The following RNF121 variants were observed in gnomAD, a reference collection of about 807,000 sequenced individuals.
The protein encoded by RNF121 is E3 ubiquitin ligase RNF121.
Under a neutral mutation model 46.5 loss-of-function variants are expected in RNF121, and 21 were observed. The ratio of observed to expected loss-of-function variants is 0.45; its 90% CI spans 0.32 to 0.65. The LOEUF (loss-of-function observed/expected upper bound fraction) is 0.65. Ranked by LOEUF, RNF121 falls within the 30% of genes least tolerant of loss-of-function variation. The pLI, the probability that RNF121 is intolerant of heterozygous loss-of-function variation, is 0.04. For missense variants in RNF121, 346 were observed against 416.0 expected, an observed-to-expected ratio of 0.83 and a Z score of 1.46; for synonymous variants, 139 against 144.7, an observed-to-expected ratio of 0.96 and a Z score of 0.28.
intron 1 of RNF121, among the ~76,000 whole-genome samples, chr11:71,956,347 A>G (rs893597952): frequency 5.9e-5 from 9 of 152,208 alleles, no homozygotes; most frequent in Non-Finnish European, 1.2e-4. Flanking sequence ...GCAAGGAGGT[A>G]GAAGACTTGA....
intron 1 of RNF121, among the ~76,000 whole-genome samples, chr11:71,936,129 G>A (rs1244744161): frequency 6.6e-6 from 1 of 152,096 alleles, no homozygotes; most frequent in Admixed American, 6.5e-5. Flanking sequence ...TTATAGGCGT[G>A]AGATTATAGG....
In RNF121 at chr11:71,996,283, C is replaced by G; in HGVS notation, c.952C>G (p.Gln318Glu). The change falls in exon 9 of 9, where the codon CAA becomes GAA. Residue 318 changes from glutamine (Q) to glutamate (E), a missense_variant. By Grantham distance (29) the Gln-to-Glu change is conservative. This residue lies in a region of RNF121 where 286 missense variants were observed against 383.8 expected (regional missense o/e 0.75). Coordinates refer to ENST00000361756, the MANE Select transcript of RNF121 (RefSeq NM_018320.5). ...GCAGCCTGTCATCATTGGTGTAGTC[C>G]AAGGCATCAACTACATCCTGGGCCT... Reference protein sequence around the residue: ...AWQPVIIGVVQGINYILGLE With the variant: ...AWQPVIIGVVEGINYILGLE The G allele has an allele frequency of 3.1e-6, 5 of 1,614,190 alleles. No individual in the cohort carries two copies. The South Asian group carries it at 5.5e-5, about 18-fold the overall frequency.
chr11:71,942,018 C>T (rs1235367600), intron 1 of RNF121, among the ~76,000 whole-genome samples: 3 of 151,086 alleles, frequency 2.0e-5, no homozygotes, highest in Admixed American at 6.6e-5. Context: ...CTGCAAGCTC[C>T]GCCTCCTGGG....
At chr11:71,973,312 G>A (rs1414736167) in intron 3 of RNF121, among the ~76,000 whole-genome samples, 3 of 152,144 alleles carry the variant, frequency 2.0e-5, no homozygotes, top group African/African-American at 7.2e-5. Flanking sequence ...GGGCAACGTA[G>A]TAAGACCCAA....
chr11:71,996,327 A>C lies in RNF121; in HGVS notation c.*12A>C, dbSNP rs774861475. The C allele has an allele frequency of 1.9e-6, 3 of 1,613,738 alleles. No homozygotes were observed. Among genetic ancestry groups the C allele is most frequent in the African/African-American group, 2.7e-5 (2 of 75,028 alleles). Reference sequence around the variant, plus strand: ...TGGGCCTGGAATAGTGATGAAGAGCATCAGTGGAAAACCCACCCCACACGC... The same window carrying C: ...TGGGCCTGGAATAGTGATGAAGAGCCTCAGTGGAAAACCCACCCCACACGC... On this transcript the variant is annotated 3_prime_UTR_variant, in exon 9 of 9. Transcript: ENST00000361756.
chr11:71,936,515 G>A (rs569004926), intron 1 of RNF121, among the ~76,000 whole-genome samples: 10 of 151,930 alleles, frequency 6.6e-5, no homozygotes, highest in African/African-American at 9.7e-5. Context: ...TCAGCCTCCC[G>A]AGTAGCTGGG....
chr11:71,952,978 T>C (rs1276895340), intron 1 of RNF121, among the ~76,000 whole-genome samples: 1 of 152,200 alleles, frequency 6.6e-6, no homozygotes, highest in African/African-American at 2.4e-5. Flanking sequence ...TGCTGTGCAA[T>C]AGAACTCAAA....
At chr11:71,932,133 C>G (rs1377939087) in intron 1 of RNF121, among the ~76,000 whole-genome samples, 1 of 152,168 alleles carries the variant, frequency 6.6e-6, no homozygotes. Context: ...CTAATGGCTT[C>G]TTTCTTTAGA....
chr11:71,946,936 C>T (rs1263348087), intron 1 of RNF121, among the ~76,000 whole-genome samples: 1 of 143,678 alleles, frequency 7.0e-6, no homozygotes, highest in East Asian at 2.1e-4. Flanking sequence ...TGCATGATCT[C>T]GGCTTGCTGC....
At chr11:71,944,558 G>A (rs74983801) in intron 1 of RNF121, among the ~76,000 whole-genome samples, 2,691 of 152,312 alleles carry the variant, frequency 0.018, 33 homozygotes, top group Non-Finnish European at 0.027. Flanking sequence ...TGGGAGCAGA[G>A]GAAGGTAAAA....
chr11:71,946,225 T>C (rs1043954989), intron 1 of RNF121, among the ~76,000 whole-genome samples: 13 of 152,286 alleles, frequency 8.5e-5, no homozygotes, highest in Middle Eastern at 3.4e-3. Context: ...ATGTCTATCC[T>C]CTGATGAAAG....
chr11:71,967,789 TTAAA>T (rs772475549), intron 3 of RNF121, among the ~76,000 whole-genome samples: 98 of 152,272 alleles, frequency 6.4e-4, no homozygotes, highest in Non-Finnish European at 1.0e-3. Context: ...CTCCCAATTT[TTAAA>T]TAAATATTCA....
intron 3 of RNF121, among the ~76,000 whole-genome samples, chr11:71,970,225 A>G (rs1004056779): frequency 6.6e-6 from 1 of 152,204 alleles, no homozygotes. Context: ...AGGGGGAATT[A>G]GGGCCTATAG....
Position 71,994,726 on chromosome 11 carries a change from G to C in RNF121, c.635G>C (p.Ser212Thr). 6.2e-7 allele frequency: 1 copy of C among 1,614,150 alleles called. No homozygotes were observed. The highest frequency in any genetic ancestry group is 8.5e-7 in the Non-Finnish European group (1 of 1,180,040). ...DYMASTIGFYSESGMPTKHLS... is the reference protein window; with the variant it reads ...DYMASTIGFYTESGMPTKHLS... ...CCTGCTATTCTCCTTCAGTTCTACA[G>C]CGAGTCGGGCATGCCTACCAAACAT... The change falls in exon 7 of 9, where the codon AGC becomes ACC. Residue 212 changes from serine (S) to threonine (T), a missense_variant. Coordinates refer to ENST00000361756, the MANE Select transcript of RNF121 (RefSeq NM_018320.5).
At chr11:71,951,633 T>A (rs530639267) in intron 1 of RNF121, among the ~76,000 whole-genome samples, 2 of 145,338 alleles carry the variant, frequency 1.4e-5, no homozygotes, top group South Asian at 2.2e-4. Flanking sequence ...CAAGACCCTG[T>A]CTCTTAAAAA....
chr11:71,934,506 T>TTTTGTTTG (rs766271130), intron 1 of RNF121, among the ~76,000 whole-genome samples: 2 of 152,144 alleles, frequency 1.3e-5, no homozygotes, highest in African/African-American at 4.8e-5. Context: ...ATCACTGGTT[T>TTTTGTTTG]TTTGTTTGTT....
intron 2 of RNF121, among the ~76,000 whole-genome samples, chr11:71,958,276 T>C (rs1057333979): frequency 1.4e-4 from 22 of 152,124 alleles, no homozygotes; most frequent in African/African-American, 5.3e-4. Flanking sequence ...GGTTAAAAGA[T>C]CTAGAACTGT....
chr11:71,967,430 A>G (rs1954310163), intron 3 of RNF121, among the ~76,000 whole-genome samples: 2 of 146,282 alleles, frequency 1.4e-5, no homozygotes, highest in South Asian at 2.2e-4. Context: ...GCTCACTGCA[A>G]TCTCTGCCTT....
rs1214225020 is a variant in RNF121 at position 71,982,796 on chromosome 11, C to T, written c.279C>T (p.Leu93=). Residue 93 remains leucine, a synonymous_variant, in exon 4 of 9, where the codon CTC becomes CTT. Transcript: ENST00000361756. ...VTLFQMWVVP[L]YFTVKLHWWR... ...TCTTTCAGATGTGGGTTGTTCCCCT[C>T]TATTTCACAGTGAAGCTGCACTGGT... 6.2e-7 allele frequency: 1 copy of T among 1,613,454 alleles called. No homozygotes were observed. The highest frequency in any genetic ancestry group is 8.5e-7 in the Non-Finnish European group (1 of 1,179,772).
Sources: allele counts gnomAD v4.1 joint callset (sites outside exome capture counted in the v4.1 genomes callset), GRCh38; gene constraint gnomAD v4.1.1; regional missense constraint gnomAD v4.1.1; transcripts MANE v1.5; gene names NCBI Gene and HGNC (gene_info 2026-07-23, HGNC 2026-07-21).